Variants in WT1 observed in about 807,000 individuals in gnomAD.
The protein encoded by WT1 is WT1 transcription factor.
A neutral mutation model predicts 60.8 loss-of-function variants in WT1; 8 were observed. That is an observed-to-expected ratio of 0.13 (90% CI 0.08 to 0.24). WT1 has a LOEUF of 0.24. WT1 is among the 10% of genes least tolerant of loss of function. The pLI is 1.00. For missense variants in WT1, 568 were observed against 711.8 expected (o/e 0.80, Z 2.30); for synonymous variants, 312 against 297.1 (o/e 1.05, Z -0.52).
rs1851833175 is a variant in WT1, at chr11:32,392,030, T to C, written c.1389A>G (p.Arg463=). 1 of 1,613,710 alleles carries C rather than the reference T, an allele frequency of 6.2e-7. No individual in the cohort carries two copies. ...TCAGGTGGTCGGACCGGGAGAACTT[T>C]CGCTGACAAGTTTTACACTGGAATG... The change falls in exon 9 of 10, where the codon CGA becomes CGG. Residue 463 remains arginine, a synonymous_variant. Transcript: ENST00000452863.
At chr11:32,419,801 C>G (rs919417245) in intron 3 of WT1, among the ~76,000 whole-genome samples, 1 of 152,254 alleles carries the variant, frequency 6.6e-6, no homozygotes, top group African/African-American at 2.4e-5. Context: ...GCAAGCAATT[C>G]TCCTGCCTCA....
At chr11:32,414,873 A>C (rs573439271) in intron 5 of WT1, among the ~76,000 whole-genome samples, 4,623 of 126,098 alleles carry the variant, frequency 0.037, 97 homozygotes, top group Middle Eastern at 0.064. Context: ...ACTCCATATC[A>C]AAAAAAAAAA....
At chr11:32,431,311 G>A (rs942581160) in intron 1 of WT1, among the ~76,000 whole-genome samples, 5 of 152,216 alleles carry the variant, frequency 3.3e-5, no homozygotes, top group Non-Finnish European at 7.3e-5. Flanking sequence ...GGAGCCTTTG[G>A]CCCTCGGGCG....
chr11:32,424,865 C>G (rs1466560614), intron 3 of WT1, among the ~76,000 whole-genome samples: 1 of 152,120 alleles, frequency 6.6e-6, no homozygotes, highest in Admixed American at 6.6e-5. Context: ...TTTAGACTGA[C>G]AAGGGAAAGT....
At chr11:32,430,724 C>T (rs1330362221) in intron 1 of WT1, 14 of 1,364,282 alleles carry the variant, frequency 1.0e-5, no homozygotes, top group Non-Finnish European at 1.2e-5. Flanking sequence ...CCTAGGCCTC[C>T]TCCCAGACCG....
intron 3 of WT1, among the ~76,000 whole-genome samples, chr11:32,422,027 A>T (rs747088097): frequency 1.6e-4 from 24 of 152,206 alleles, no homozygotes; most frequent in Non-Finnish European, 2.9e-5. Context: ...CTTTTTCGGT[A>T]ATAGCTGTGT....
At chr11:32,431,981 G>A (rs555935327) in intron 1 of WT1, among the ~76,000 whole-genome samples, 1 of 152,174 alleles carries the variant, frequency 6.6e-6, no homozygotes, top group South Asian at 2.1e-4. Context: ...CCAAAACAAG[G>A]GGCCTCTCCA....
chr11:32,410,038 C>A (rs1852446873), intron 5 of WT1, among the ~76,000 whole-genome samples: 1 of 152,154 alleles, frequency 6.6e-6, no homozygotes, highest in African/African-American at 2.4e-5. Context: ...GCAATTAATT[C>A]TCTTGCCTCA....
In WT1 at chr11:32,392,770, A is replaced by G. The variant is rs933629326; in HGVS notation, c.1265-15T>C. 1.2e-6 allele frequency: 2 copies of G among 1,612,420 alleles called. No individual in the cohort carries two copies. The highest frequency in any genetic ancestry group is 1.7e-5 in the Admixed American group (1 of 59,996). ...TGGTTTCTCACCTTGGGGAAGACAC[A>G]TATTCTATTTGAAAATGATACTGGA... On this transcript the variant is annotated splice_polypyrimidine_tract_variant and intron_variant, in intron 7 of 9. Coordinates refer to ENST00000452863, the MANE Select transcript of WT1 (RefSeq NM_024426.6).
At chr11:32,405,141 G>A (rs916498586) in intron 5 of WT1, among the ~76,000 whole-genome samples, 2 of 152,080 alleles carry the variant, frequency 1.3e-5, no homozygotes, top group African/African-American at 4.8e-5. Context: ...AAATGAAGGC[G>A]ACCCTAAAGA....
rs534987517 is a variant in WT1, at chr11:32,394,807, G to C, written c.1264+1450C>G. Among the ~76,000 whole-genome samples, 25 of 152,346 alleles carry C rather than the reference G, an allele frequency of 1.6e-4. No individual in the cohort carries two copies. The South Asian group carries it at 2.7e-3, about 16-fold the overall frequency. ...CTCCAGTGGGTCTGGGGTTTTGGCT[G>C]TCTTGTTCACTGCCTTCCCTTCACA... On this transcript the variant is annotated intron_variant, in intron 7 of 9. Coordinates refer to ENST00000452863, the MANE Select transcript of WT1 (RefSeq NM_024426.6).
At position 32,396,421 on chromosome 11, in the gene WT1, G is replaced by A. The variant is rs1367210771; in HGVS notation, c.1114-14C>T. Reference sequence around the variant, plus strand: ...ACGTCGCACATCCTGCAGGCAGAGAGTAAGAGGAAGGGAGGCTTTAAGCCA... The same window carrying A: ...ACGTCGCACATCCTGCAGGCAGAGAATAAGAGGAAGGGAGGCTTTAAGCCA... On this transcript the variant is annotated splice_polypyrimidine_tract_variant and intron_variant, in intron 6 of 9. Transcript: ENST00000452863. 4 of 1,613,014 alleles carry A rather than the reference G, an allele frequency of 2.5e-6. No individual in the cohort carries two copies. The South Asian group carries it at 3.3e-5, about 13-fold the overall frequency.
intron 8 of WT1, 138 bp downstream of exon 8, chr11:32,392,528 A>T: frequency 1.2e-6 from 1 of 857,306 alleles, no homozygotes. Flanking sequence ...ACATCTCCAG[A>T]GATTATGGGG....
chr11:32,389,495 T>C (rs534395243), intron 9 of WT1, among the ~76,000 whole-genome samples: 3 of 152,364 alleles, frequency 2.0e-5, no homozygotes, highest in Admixed American at 6.5e-5. Flanking sequence ...TGTTTCAGTC[T>C]CTGCTGATAG....
chr11:32,433,678 CA>C (rs1853383627), intron 1 of WT1, among the ~76,000 whole-genome samples: 1 of 152,266 alleles, frequency 6.6e-6, no homozygotes, highest in Admixed American at 6.5e-5. Flanking sequence ...ATGAAGAGGG[CA>C]AACTACAGGG....
At chr11:32,397,284 G>A (rs778494975) in intron 6 of WT1, among the ~76,000 whole-genome samples, 14 of 152,116 alleles carry the variant, frequency 9.2e-5, no homozygotes, top group Admixed American at 3.9e-4. Flanking sequence ...CCCCAAAGGC[G>A]GTGAGATGCT....
intron 5 of WT1, among the ~76,000 whole-genome samples, chr11:32,403,004 G>A (rs888730974): frequency 2.0e-5 from 3 of 152,178 alleles, no homozygotes; most frequent in African/African-American, 7.2e-5. Context: ...AGACTTTCCT[G>A]AAGACAACTG....
intron 1 of WT1, chr11:32,430,444 GA>G (rs2133084431): frequency 5.8e-6 from 8 of 1,374,896 alleles, no homozygotes; most frequent in South Asian, 2.7e-5. Context: ...GAGAGAGAGA[GA>G]GAGAGGGAGG....
intron 3 of WT1, 28 bp from the exon 4 acceptor site, chr11:32,417,682 A>G: frequency 6.4e-7 from 1 of 1,569,378 alleles, no homozygotes. Context: ...AGAGTTAGAA[A>G]CACATAACCA....
Sources: allele counts gnomAD v4.1 joint callset (sites outside exome capture counted in the v4.1 genomes callset), GRCh38; gene constraint gnomAD v4.1.1; transcripts MANE v1.5; gene names NCBI Gene and HGNC (gene_info 2026-07-23, HGNC 2026-07-21).